The following KDM4C variants were observed in gnomAD, a reference collection of about 807,000 sequenced individuals.
The protein encoded by KDM4C is lysine demethylase 4C.
KDM4C carries 81 observed loss-of-function variants against 129.3 expected under a neutral mutation model. That is an observed-to-expected ratio of 0.63 (90% CI 0.52 to 0.75). KDM4C has a LOEUF of 0.75. KDM4C is among the 30% of genes least tolerant of loss of function. The pLI, the probability that KDM4C is intolerant of heterozygous loss-of-function variation, is 0.00. For missense variants in KDM4C, 1,457 were observed against 1,304.0 expected (o/e 1.12, Z -1.81); for synonymous variants, 573 against 456.1 (o/e 1.26, Z -3.26).
intron 4 of KDM4C, among the ~76,000 whole-genome samples, chr9:6,831,925 C>T (rs73639366): frequency 0.06 from 9,200 of 152,130 alleles, 380 homozygotes; most frequent in East Asian, 0.15. Context: ...AAATGAGGTC[C>T]ATTAGTAAGG....
At position 6,812,501 on chromosome 9, in the gene KDM4C, C is replaced by G. The variant is rs1344447413; in HGVS notation, c.321-2130C>G. On this transcript the variant is annotated intron_variant, in intron 3 of 21. Transcript: ENST00000381309. Reference sequence around the variant, plus strand: ...GGGATGGTTTCGGGATGAAACGGTCCTACCTCAGATCATCAGACATTAGGT... The same window carrying G: ...GGGATGGTTTCGGGATGAAACGGTCGTACCTCAGATCATCAGACATTAGGT... 2.0e-5 allele frequency among the ~76,000 whole-genome samples: 3 copies of G among 152,116 alleles called. No homozygotes were observed. The East Asian group carries it at 5.8e-4, about 29-fold the overall frequency.
At chr9:6,813,545 G>C (rs1368476355) in intron 3 of KDM4C, among the ~76,000 whole-genome samples, 1 of 151,708 alleles carries the variant, frequency 6.6e-6, no homozygotes, top group African/African-American at 2.4e-5. Flanking sequence ...AATCTAAAAT[G>C]TCCAGTATGC....
At chr9:7,135,790 G>A (rs1288782563) in intron 19 of KDM4C, among the ~76,000 whole-genome samples, 14 of 152,158 alleles carry the variant, frequency 9.2e-5, no homozygotes, top group South Asian at 4.1e-4. Context: ...TTGGATCTTC[G>A]TCGGTGTCTA....
At chr9:7,161,244 C>A (rs1433693874) in intron 19 of KDM4C, among the ~76,000 whole-genome samples, 1 of 152,196 alleles carries the variant, frequency 6.6e-6, no homozygotes, top group Admixed American at 6.5e-5. Flanking sequence ...TCAAGGCTTC[C>A]CTTGGCTAGG....
chr9:6,805,559 A>AT, intron 2 of KDM4C, 40 bp from the exon 3 acceptor site: 1 of 1,457,594 alleles, frequency 6.9e-7, no homozygotes, highest in Non-Finnish European at 9.4e-7. Flanking sequence ...TACTTGGAGT[A>AT]TTTTCAAGAT....
chr9:6,981,019 A>G lies in KDM4C; in HGVS notation c.1016A>G (p.Asp339Gly), dbSNP rs1323043207. The stretch of plus-strand genomic sequence containing the variant: ...TATCAGCTTTGGAAACAAGGAAAGG[A>G]TATATACACCATTGATCACACGAAG... ...DRYQLWKQGK[D>G]IYTIDHTKPT... is the part of the protein sequence containing the mutation. Residue 339 changes from aspartate to glycine, a missense_variant, in exon 9 of 22, where the codon GAT (aspartate) becomes GGT (glycine). By Grantham distance (94) the Asp-to-Gly change is moderately conservative (BLOSUM62 -1). Transcript: ENST00000381309. The G allele has an allele frequency of 3.5e-5, 56 of 1,613,842 alleles. No individual in the cohort carries two copies. Among genetic ancestry groups the G allele is most frequent in the Non-Finnish European group, 4.7e-5 (55 of 1,179,870 alleles).
intron 8 of KDM4C, among the ~76,000 whole-genome samples, chr9:6,896,161 A>G (rs1258814338): frequency 6.6e-6 from 1 of 152,196 alleles, no homozygotes; most frequent in Non-Finnish European, 1.5e-5. Flanking sequence ...AAAGACTTTT[A>G]GCATTGAGGA....
At chr9:6,957,604 T>G (rs7864025) in intron 8 of KDM4C, among the ~76,000 whole-genome samples, 7,016 of 152,100 alleles carry the variant, frequency 0.046, 288 homozygotes, top group African/African-American at 0.11. Context: ...AGATCAAACG[T>G]GGAGGCTGCT....
At chr9:6,974,175 A>G (rs150234763) in intron 8 of KDM4C, among the ~76,000 whole-genome samples, 60 of 152,320 alleles carry the variant, frequency 3.9e-4, no homozygotes, top group African/African-American at 1.4e-3. Flanking sequence ...ATTCAAGTGG[A>G]TGACTTACTT....
At chr9:7,021,227 C>T (rs1401746897) in intron 15 of KDM4C, among the ~76,000 whole-genome samples, 2 of 151,748 alleles carry the variant, frequency 1.3e-5, no homozygotes, top group Non-Finnish European at 1.5e-5. Flanking sequence ...TCTCGGCTCA[C>T]TGCAACCTCT....
chr9:7,126,222 A>G (rs1451256408), intron 18 of KDM4C, among the ~76,000 whole-genome samples: 1 of 152,144 alleles, frequency 6.6e-6, no homozygotes, highest in Non-Finnish European at 1.5e-5. Context: ...GGAGGGAGAA[A>G]ATGAAATAAA....
chr9:6,936,370 C>T (rs1824791756), intron 8 of KDM4C, among the ~76,000 whole-genome samples: 1 of 152,004 alleles, frequency 6.6e-6, no homozygotes, highest in Non-Finnish European at 1.5e-5. Context: ...TGTATACAAA[C>T]AGTATTACTT....
intron 2 of KDM4C, among the ~76,000 whole-genome samples, chr9:6,797,371 AC>A (rs1474576146): frequency 6.6e-6 from 1 of 152,172 alleles, no homozygotes; most frequent in Non-Finnish European, 1.5e-5. Flanking sequence ...AACAGTAGTG[AC>A]TTTAGCTTCA....
chr9:6,923,595 A>G (rs547225839), intron 8 of KDM4C, among the ~76,000 whole-genome samples: 1 of 152,350 alleles, frequency 6.6e-6, no homozygotes, highest in African/African-American at 2.4e-5. Flanking sequence ...GATCATCAAG[A>G]GACAGAACAT....
At chr9:6,803,531 T>C (rs1009856105) in intron 2 of KDM4C, among the ~76,000 whole-genome samples, 6 of 151,050 alleles carry the variant, frequency 4.0e-5, no homozygotes, top group African/African-American at 1.5e-4. Flanking sequence ...GATTGGGCCA[T>C]TGGAGTCCAG....
intron 5 of KDM4C, among the ~76,000 whole-genome samples, chr9:6,851,231 A>G (rs1488050165): frequency 1.3e-5 from 2 of 152,042 alleles, no homozygotes; most frequent in Non-Finnish European, 2.9e-5. Flanking sequence ...CTGCTGCCTC[A>G]ACCTCCCAAA....
intron 19 of KDM4C, among the ~76,000 whole-genome samples, chr9:7,151,121 G>T (rs1229016351): frequency 6.6e-6 from 1 of 151,734 alleles, no homozygotes; most frequent in Non-Finnish European, 1.5e-5. Flanking sequence ...GACCAGCCTT[G>T]CCAACATAGT....
At chr9:6,809,018 A>G (rs1323129695) in intron 3 of KDM4C, among the ~76,000 whole-genome samples, 1 of 151,738 alleles carries the variant, frequency 6.6e-6, no homozygotes, top group Non-Finnish European at 1.5e-5. Flanking sequence ...TGAGATTAAG[A>G]CTTTGAATGA....
At chr9:6,981,300 T>G (rs189822377) in intron 9 of KDM4C, among the ~76,000 whole-genome samples, 182 bp downstream of exon 9, 59 of 152,334 alleles carry the variant, frequency 3.9e-4, no homozygotes, top group African/African-American at 1.4e-3. Context: ...TAGGAAGAGA[T>G]GTATATTTAT....
Sources: allele counts gnomAD v4.1 joint callset (sites outside exome capture counted in the v4.1 genomes callset), GRCh38; gene constraint gnomAD v4.1.1; transcripts MANE v1.5; gene names NCBI Gene and HGNC (gene_info 2026-07-23, HGNC 2026-07-21).